The following CTCF variants were observed in gnomAD, a reference collection of about 807,000 sequenced individuals.
The protein encoded by CTCF is transcriptional repressor CTCF.
In CTCF, 7 loss-of-function variants were observed where a neutral mutation model predicts 72.3. The ratio of observed to expected loss-of-function variants is 0.10; its 90% CI spans 0.06 to 0.18. CTCF has a LOEUF of 0.18. CTCF is among the 10% of genes least tolerant of loss of function. The pLI is 1.00. For missense variants in CTCF, 516 were observed against 949.1 expected, an observed-to-expected ratio of 0.54 and a Z score of 6.00; for synonymous variants, 374 against 315.8, an observed-to-expected ratio of 1.18 and a Z score of -1.95.
chr16:67,606,068 A>G (rs1454317345), intron 2 of CTCF, among the ~76,000 whole-genome samples: 2 of 152,220 alleles, frequency 1.3e-5, no homozygotes, highest in African/African-American at 4.8e-5. Context: ...CCCAGAAAGC[A>G]TAAGTGGTTT....
At chr16:67,624,959 C>G (rs1466462945) in intron 7 of CTCF, among the ~76,000 whole-genome samples, 3 of 152,150 alleles carry the variant, frequency 2.0e-5, no homozygotes, top group African/African-American at 7.2e-5. Flanking sequence ...GAGTTTCACT[C>G]TGTCACCCAG....
At chr16:67,597,911 G>T (rs1567602475) in intron 2 of CTCF, among the ~76,000 whole-genome samples, 1 of 152,140 alleles carries the variant, frequency 6.6e-6, no homozygotes, top group Admixed American at 6.6e-5. Context: ...ACTTAGTGAG[G>T]TTTTTTAAAT....
chr16:67,594,814 G>A (rs1218172770), intron 2 of CTCF, among the ~76,000 whole-genome samples: 2 of 152,096 alleles, frequency 1.3e-5, no homozygotes, highest in South Asian at 4.1e-4. Context: ...GAAACAAAAG[G>A]CATAGTTACT....
chr16:67,616,704 C>T (rs2142839189), intron 4 of CTCF, 41 bp from the exon 5 acceptor site: 1 of 1,611,128 alleles, frequency 6.2e-7, no homozygotes, highest in Non-Finnish European at 8.5e-7. Context: ...ATTAACTGTG[C>T]CCTTGATCTT....
chr16:67,599,431 A>G (rs2051858246), intron 2 of CTCF, among the ~76,000 whole-genome samples: 4 of 151,982 alleles, frequency 2.6e-5, no homozygotes, highest in African/African-American at 7.3e-5. Context: ...AGGAGGAAGA[A>G]CTGATCCATG....
intron 2 of CTCF, among the ~76,000 whole-genome samples, chr16:67,576,312 A>G (rs1466949370): frequency 1.3e-5 from 2 of 152,134 alleles, no homozygotes; most frequent in African/African-American, 2.4e-5. Context: ...ATTTGGATGA[A>G]TGAATGCCTA....
chr16:67,593,343 G>A lies in CTCF; in HGVS notation c.-9-17481G>A, dbSNP rs139776307. Among the ~76,000 whole-genome samples, 517 of 151,910 alleles carry A rather than the reference G, an allele frequency of 3.4e-3. 2 individuals carry two copies. The highest frequency in any genetic ancestry group is 5.0e-3 in the Non-Finnish European group (341 of 67,948). On this transcript the variant is annotated intron_variant, in intron 2 of 11. Transcript: ENST00000264010. The stretch of plus-strand genomic sequence containing the variant: ...TGATTAGTTTTGCAGCCCTTACCCC[G>A]TTTTCTCCCTCCCCCTCCTAATCCC...
At chr16:67,591,642 C>T (rs771129897) in intron 2 of CTCF, among the ~76,000 whole-genome samples, 1 of 151,854 alleles carries the variant, frequency 6.6e-6, no homozygotes, top group Non-Finnish European at 1.5e-5. Context: ...AACTTTTATT[C>T]GTTTTGGCTA....
intron 1 of CTCF, among the ~76,000 whole-genome samples, chr16:67,565,673 CAAAAAAA>C (rs201956341): frequency 1.3e-4 from 8 of 62,132 alleles, no homozygotes; most frequent in Non-Finnish European, 2.5e-4. Context: ...ACTCTTATCT[CAAAAAAA>C]AAAAAAAAAA....
intron 4 of CTCF, chr16:67,615,365 C>G (rs2052118906): frequency 6.6e-6 from 1 of 152,348 alleles, no homozygotes. Context: ...CCTGTAATCT[C>G]AGGACTTTGT....
chr16:67,571,885 G>T (rs1207586818), intron 2 of CTCF, among the ~76,000 whole-genome samples: 1 of 152,148 alleles, frequency 6.6e-6, no homozygotes, highest in Non-Finnish European at 1.5e-5. Flanking sequence ...ACTTGGAACA[G>T]ACCTTCTATA....
intron 2 of CTCF, among the ~76,000 whole-genome samples, chr16:67,601,074 G>A (rs1054246810): frequency 6.6e-6 from 1 of 152,108 alleles, no homozygotes; most frequent in African/African-American, 2.4e-5. Flanking sequence ...TGTCGGGAGA[G>A]GCAGCTAGAA....
At chr16:67,633,814 ACT>A (rs747842741) in intron 10 of CTCF, among the ~76,000 whole-genome samples, 5 of 148,072 alleles carry the variant, frequency 3.4e-5, no homozygotes, top group Admixed American at 6.7e-5. Flanking sequence ...ACACACACAC[ACT>A]CTCACTCACT....
chr16:67,579,393 C>G (rs1738175944), intron 2 of CTCF, among the ~76,000 whole-genome samples: 1 of 150,498 alleles, frequency 6.6e-6, no homozygotes, highest in Non-Finnish European at 1.5e-5. Flanking sequence ...TCTTGCTGCT[C>G]TGTCACCTAG....
At chr16:67,629,649 T>A in intron 10 of CTCF, 116 bp downstream of exon 10, 1 of 979,612 alleles carries the variant, frequency 1.0e-6, no homozygotes, top group Non-Finnish European at 1.4e-6. Flanking sequence ...TTCCTTTCTT[T>A]AAACTTCTCA....
intron 7 of CTCF, among the ~76,000 whole-genome samples, chr16:67,624,105 GTGTGTGTGTGTA>G (rs1167291529): frequency 1.1e-4 from 15 of 135,468 alleles, no homozygotes; most frequent in South Asian, 2.3e-4. Context: ...GTGTGTGTGT[GTGTGTGTGTGTA>G]TGTGTGTGTA....
chr16:67,637,548 A>G, intron 11 of CTCF, 140 bp from the exon 12 acceptor site: 1 of 649,466 alleles, frequency 1.5e-6, no homozygotes, highest in South Asian at 2.5e-5. Context: ...AAAATAAAAA[A>G]TAAATTGACT....
rs1046241567 is a variant in CTCF at position 67,628,702 on chromosome 16, T to G, written c.1701+150T>G. 5.1e-6 allele frequency: 4 copies of G among 781,280 alleles called. No individual in the cohort carries two copies. In the African/African-American group the frequency reaches 6.9e-5, roughly 13 times the overall value. 48.4% of individuals were successfully genotyped at this position (781,280 alleles called of 1,614,324 possible). A position where few individuals can be genotyped will look rare whatever the true frequency, so the allele number is the denominator to read the frequency against. ...GGTTAGTCATCCCCATCTTGATGTT[T>G]CTATCCATGTGTGAACCCTTCCACT... On this transcript the variant is annotated intron_variant, in intron 9 of 11. Coordinates refer to ENST00000264010, the MANE Select transcript of CTCF (RefSeq NM_006565.4).
chr16:67,637,058 G>C (rs2052440743), intron 11 of CTCF, among the ~76,000 whole-genome samples: 1 of 151,764 alleles, frequency 6.6e-6, no homozygotes, highest in South Asian at 2.1e-4. Flanking sequence ...TACATTTCAA[G>C]AAGAAGTCCA....
Sources: gnomAD v4.1 joint callset for allele counts (sites outside exome capture counted in the v4.1 genomes callset) on GRCh38, gnomAD v4.1.1 for gene constraint, MANE v1.5 for transcripts, NCBI Gene and HGNC (gene_info 2026-07-23, HGNC 2026-07-21) for gene names.